NTM: variants seen among roughly 807,000 people sequenced by gnomAD.
NTM encodes neurotrimin.
A neutral mutation model predicts 42.1 loss-of-function variants in NTM; 13 were observed. That is an observed-to-expected ratio of 0.31 (90% CI 0.20 to 0.49). NTM has a LOEUF of 0.49. Ranked by LOEUF, NTM falls within the 20% of genes least tolerant of loss-of-function variation. The probability of loss-of-function intolerance (pLI) is 0.99; values close to 1 mark genes in which losing one functional copy is unlikely to be tolerated. For synonymous variants in NTM, 187 were observed against 179.2 expected, an observed-to-expected ratio of 1.04 and a Z score of -0.35; for missense variants, 373 against 452.8, an observed-to-expected ratio of 0.82 and a Z score of 1.60.
chr11:131,968,862 C>G (rs928469839), intron 2 of NTM, among the ~76,000 whole-genome samples: 26 of 152,170 alleles, frequency 1.7e-4, no homozygotes, highest in Admixed American at 1.7e-3. Context: ...CAACTATTTT[C>G]CCACTGGCTT....
chr11:132,324,597 C>T (rs1437670613), intron 7 of NTM, among the ~76,000 whole-genome samples: 1 of 148,292 alleles, frequency 6.7e-6, no homozygotes, highest in Non-Finnish European at 1.5e-5. Context: ...GCCATACTGC[C>T]CAAGGTAATT....
At chr11:132,275,738 A>ATATATGTATATATATACGTATATATACG (rs2093693502) in intron 4 of NTM, among the ~76,000 whole-genome samples, 1 of 66,708 alleles carries the variant, frequency 1.5e-5, no homozygotes, top group Admixed American at 1.8e-4. Flanking sequence ...ATATATACGT[A>ATATATGTATATATATACGTATATATACG]TATATATATG....
Position 131,888,162 on chromosome 11 carries a change from A to G in NTM, c.83-23402A>G, listed in dbSNP as rs144727075. 2.4e-3 allele frequency among the ~76,000 whole-genome samples: 371 copies of G among 152,252 alleles called. 2 individuals carry two copies. Among genetic ancestry groups the G allele is most frequent in the African/African-American group, 8.4e-3 (348 of 41,558 alleles). On this transcript the variant is annotated intron_variant, in intron 1 of 8. Coordinates refer to ENST00000683400, the MANE Select transcript of NTM (RefSeq NM_001352005.2). Reference sequence around the variant, plus strand: ...CTAAAAATACAAAACTTAGCCAAGCATGGTGGCGTGCGCCTGTGGTTTCAG... The same window carrying G: ...CTAAAAATACAAAACTTAGCCAAGCGTGGTGGCGTGCGCCTGTGGTTTCAG...
At chr11:132,137,135 T>G (rs2068085237) in intron 2 of NTM, among the ~76,000 whole-genome samples, 1 of 152,242 alleles carries the variant, frequency 6.6e-6, no homozygotes, top group South Asian at 2.1e-4. Flanking sequence ...CAAAAAAAAG[T>G]GTCGATTTGG....
intron 1 of NTM, among the ~76,000 whole-genome samples, chr11:131,564,843 T>C (rs1248760311): frequency 6.6e-6 from 1 of 151,754 alleles, no homozygotes; most frequent in East Asian, 1.9e-4. Flanking sequence ...AGACACATGC[T>C]CACATGCACA....
intron 1 of NTM, among the ~76,000 whole-genome samples, chr11:131,803,518 G>C (rs1041306449): frequency 3.3e-5 from 5 of 152,168 alleles, no homozygotes; most frequent in South Asian, 2.1e-4. Flanking sequence ...CTATGTTGGC[G>C]AGGCTAGTCT....
At chr11:131,579,037 G>A (rs1022012111) in intron 1 of NTM, among the ~76,000 whole-genome samples, 4 of 152,178 alleles carry the variant, frequency 2.6e-5, no homozygotes, top group Non-Finnish European at 5.9e-5. Flanking sequence ...AGAAATGCAA[G>A]GTCTGAGTCC....
chr11:132,176,517 A>G (rs902249560), intron 3 of NTM, among the ~76,000 whole-genome samples: 13 of 152,126 alleles, frequency 8.5e-5, no homozygotes, highest in Non-Finnish European at 1.6e-4. Context: ...TAGGTTATGC[A>G]TGTAACAAAA....
intron 1 of NTM, among the ~76,000 whole-genome samples, chr11:131,574,878 G>A (rs1466310367): frequency 6.6e-6 from 1 of 152,086 alleles, no homozygotes; most frequent in African/African-American, 2.4e-5. Context: ...ACCTATGCCT[G>A]GTGCTGAGGG....
chr11:131,620,625 C>G (rs938488057), intron 1 of NTM, among the ~76,000 whole-genome samples: 1 of 152,202 alleles, frequency 6.6e-6, no homozygotes, highest in Admixed American at 6.5e-5. Flanking sequence ...CTGCTGTTCC[C>G]TCTGCCTGAA....
chr11:131,970,600 C>T (rs142456883), intron 2 of NTM, among the ~76,000 whole-genome samples: 31 of 152,320 alleles, frequency 2.0e-4, no homozygotes, highest in African/African-American at 6.0e-4. Flanking sequence ...ACTTCCGCCT[C>T]GCTGCTTATC....
At chr11:131,822,520 C>T (rs73579957) in intron 1 of NTM, among the ~76,000 whole-genome samples, 2,334 of 152,260 alleles carry the variant, frequency 0.015, 53 homozygotes, top group African/African-American at 0.054. Context: ...AATAAGAACG[C>T]GTGTACAGAG....
At position 132,147,084 on chromosome 11, in the gene NTM, C is replaced by T. The variant is rs74763442; in HGVS notation, c.400+570C>T. Among the ~76,000 whole-genome samples the T allele has an allele frequency of 4.3e-3, 650 of 152,014 alleles. 5 individuals carry two copies. The highest frequency in any genetic ancestry group is 0.015 in the African/African-American group (612 of 41,424). ...TGGATGCCATTTCTCCCATATAATA[C>T]TGGTGTCTGATTCTCCCTGTTTTGA... On this transcript the variant is annotated intron_variant, in intron 3 of 8. Transcript: ENST00000683400.
intron 1 of NTM, among the ~76,000 whole-genome samples, chr11:131,743,728 G>C (rs2063024): frequency 6.1e-4 from 93 of 152,106 alleles, no homozygotes; most frequent in African/African-American, 2.0e-3. Context: ...ATAGGAGGTC[G>C]TGTGAAACAG....
At chr11:131,748,036 A>G (rs2082035017) in intron 1 of NTM, among the ~76,000 whole-genome samples, 1 of 152,222 alleles carries the variant, frequency 6.6e-6, no homozygotes, top group Non-Finnish European at 1.5e-5. Flanking sequence ...AGCAGAATCC[A>G]TTACTTGTGT....
intron 2 of NTM, among the ~76,000 whole-genome samples, chr11:131,954,386 C>G (rs769913304): frequency 7.2e-5 from 11 of 152,184 alleles, no homozygotes; most frequent in Non-Finnish European, 1.5e-4. Context: ...GCAGGCCAAG[C>G]CTTCACCTGG....
intron 2 of NTM, among the ~76,000 whole-genome samples, chr11:131,959,693 C>A (rs2061933386): frequency 6.6e-6 from 1 of 152,182 alleles, no homozygotes; most frequent in Admixed American, 6.5e-5. Flanking sequence ...TCATCAACCA[C>A]TCTGACTGAT....
At chr11:132,175,884 C>G (rs2076736685) in intron 3 of NTM, among the ~76,000 whole-genome samples, 1 of 152,134 alleles carries the variant, frequency 6.6e-6, no homozygotes, top group African/African-American at 2.4e-5. Flanking sequence ...TCCAGAGCTC[C>G]TTATTTGTAT....
At chr11:131,700,587 A>G (rs2075971676) in intron 1 of NTM, among the ~76,000 whole-genome samples, 1 of 152,242 alleles carries the variant, frequency 6.6e-6, no homozygotes, top group Non-Finnish European at 1.5e-5. Context: ...ACTGTGTGCC[A>G]GGCACATATT....
Sources: gnomAD v4.1 joint callset for allele counts (sites outside exome capture counted in the v4.1 genomes callset) on GRCh38, gnomAD v4.1.1 for gene constraint, MANE v1.5 for transcripts, NCBI Gene and HGNC (gene_info 2026-07-23, HGNC 2026-07-21) for gene names.